ARHGEF38: variants seen among roughly 807,000 people sequenced by gnomAD.
ARHGEF38 encodes the protein Rho guanine nucleotide exchange factor 38, also known as Rho guanine nucleotide exchange factor (GEF) 38.
Under a neutral mutation model 79.9 loss-of-function variants are expected in ARHGEF38, and 79 were observed. That is an observed-to-expected ratio of 0.99 (90% CI 0.82 to 1.19). ARHGEF38 has a LOEUF of 1.19. ARHGEF38 is among the 50% of genes most tolerant of loss of function. ARHGEF38 has a pLI of 0.00. For missense variants in ARHGEF38, 962 were observed against 907.2 expected (o/e 1.06, Z -0.78); for synonymous variants, 366 against 328.3 (o/e 1.11, Z -1.24).
chr4:105,667,216 T>A lies in ARHGEF38; in HGVS notation c.1777T>A (p.Cys593Ser). The A allele has an allele frequency of 6.5e-7, 1 of 1,536,156 alleles. No individual in the cohort carries two copies. ...AEELYQAKRK[C>S]NATQEYDINL... Reference sequence around the variant, plus strand: ...GGAACTCTATCAAGCTAAGCGCAAGTGCAATGCTACACAAGAATATGACAT... The same window carrying A: ...GGAACTCTATCAAGCTAAGCGCAAGAGCAATGCTACACAAGAATATGACAT... The change falls in exon 12 of 14, where the codon TGC becomes AGC. Residue 593 changes from cysteine to serine, a missense_variant. Physicochemically the swap from Cys to Ser is moderately radical, Grantham distance 112. Coordinates refer to ENST00000420470, the MANE Select transcript of ARHGEF38 (RefSeq NM_001242729.2).
intron 4 of ARHGEF38, chr4:105,631,488 T>C (rs918410268): frequency 3.2e-5 from 32 of 985,748 alleles, no homozygotes; most frequent in Non-Finnish European, 3.9e-5. Context: ...TGTGGGGAGA[T>C]GGGTGAAGAC....
In ARHGEF38 at chr4:105,647,062, T is replaced by C. The variant is rs537261712; in HGVS notation, c.875-1487T>C. Among the ~76,000 whole-genome samples, 13 of 152,250 alleles carry C rather than the reference T, an allele frequency of 8.5e-5. No homozygotes were observed. In the South Asian group the frequency reaches 2.7e-3, roughly 32 times the overall value. ...ACTGTTAGGTGAGTTGTTTTAAAAA[T>C]AAGAAGACTGGAAACAAAGCAAAAT... is the stretch of plus-strand genomic sequence containing the variant. On this transcript the variant is annotated intron_variant, in intron 6 of 13. Transcript: ENST00000420470.
chr4:105,586,474 A>G (rs1727054682), intron 1 of ARHGEF38, among the ~76,000 whole-genome samples: 1 of 152,148 alleles, frequency 6.6e-6, no homozygotes, highest in Admixed American at 6.5e-5. Flanking sequence ...GCAGTATTGG[A>G]AAACCTAAGC....
At chr4:105,598,079 G>A (rs1340769006) in intron 2 of ARHGEF38, among the ~76,000 whole-genome samples, 2 of 151,864 alleles carry the variant, frequency 1.3e-5, no homozygotes. Context: ...GTACACATTC[G>A]GTTGTTTGGA....
intron 1 of ARHGEF38, among the ~76,000 whole-genome samples, chr4:105,557,379 T>A (rs1366113291): frequency 1.3e-5 from 2 of 152,104 alleles, no homozygotes; most frequent in African/African-American, 4.8e-5. Flanking sequence ...GAACAAAAGT[T>A]TACTAACATT....
At chr4:105,620,889 G>T (rs1728711175) in intron 3 of ARHGEF38, among the ~76,000 whole-genome samples, 1 of 152,170 alleles carries the variant, frequency 6.6e-6, no homozygotes, top group South Asian at 2.1e-4. Flanking sequence ...TGGTGAAAAT[G>T]ACACTGTATC....
At chr4:105,584,224 A>G (rs1037388393) in intron 1 of ARHGEF38, among the ~76,000 whole-genome samples, 37 of 152,204 alleles carry the variant, frequency 2.4e-4, no homozygotes, top group African/African-American at 8.0e-4. Flanking sequence ...AAATAAAACA[A>G]AAAACTGAAC....
At position 105,667,342 on chromosome 4, in the gene ARHGEF38, A is replaced by G. The variant is rs923430432; in HGVS notation, c.1888+15A>G. 14 of 1,535,326 alleles carry G rather than the reference A, an allele frequency of 9.1e-6. No individual in the cohort carries two copies. In the African/African-American group the frequency reaches 1.4e-4, roughly 15 times the overall value. Reference sequence around the variant, plus strand: ...GGACACAGGAAGTAAGTTTTTCCCCAGAACTACCACTCTTCTTTAAACTGA... The same window carrying G: ...GGACACAGGAAGTAAGTTTTTCCCCGGAACTACCACTCTTCTTTAAACTGA... On this transcript the variant is annotated intron_variant, in intron 12 of 13. Coordinates refer to ENST00000420470, the MANE Select transcript of ARHGEF38 (RefSeq NM_001242729.2).
At chr4:105,649,624 A>G (rs1189411280) in intron 7 of ARHGEF38, among the ~76,000 whole-genome samples, 1 of 152,102 alleles carries the variant, frequency 6.6e-6, no homozygotes, top group Non-Finnish European at 1.5e-5. Flanking sequence ...TCACTCATGT[A>G]TTAATATCTC....
chr4:105,678,070 A>C lies in ARHGEF38; in HGVS notation c.*133A>C. 1.6e-6 allele frequency: 1 copy of C among 642,166 alleles called. No homozygotes were observed. The highest frequency in any genetic ancestry group is 2.4e-6 in the Non-Finnish European group (1 of 408,804). The allele number at this position is 642,166 out of a possible 1,614,324, so 39.8% of individuals were successfully genotyped here. A position where few individuals can be genotyped will look rare whatever the true frequency, so the allele number is the denominator to read the frequency against. On this transcript the variant is annotated 3_prime_UTR_variant, in exon 14 of 14. Coordinates refer to ENST00000420470, the MANE Select transcript of ARHGEF38 (RefSeq NM_001242729.2). ...GAAACTGATACTGTACTGGGTTTTC[A>C]GGAATACTGTACTTCCTAACAGGAT...
chr4:105,561,842 T>C (rs1461880221), intron 1 of ARHGEF38, among the ~76,000 whole-genome samples: 1 of 152,162 alleles, frequency 6.6e-6, no homozygotes, highest in Non-Finnish European at 1.5e-5. Context: ...GGGGTTTACA[T>C]AACATTTTAA....
At chr4:105,581,115 G>A (rs1470577377) in intron 1 of ARHGEF38, among the ~76,000 whole-genome samples, 1 of 152,108 alleles carries the variant, frequency 6.6e-6, no homozygotes, top group Non-Finnish European at 1.5e-5. Flanking sequence ...CCAAGAACAA[G>A]TCCCGGTGCC....
chr4:105,656,410 CT>C (rs1730327952), intron 9 of ARHGEF38, among the ~76,000 whole-genome samples: 2 of 152,160 alleles, frequency 1.3e-5, no homozygotes, highest in Admixed American at 6.5e-5. Flanking sequence ...AAGGCAAAGA[CT>C]TCCTATTGAG....
intron 9 of ARHGEF38, among the ~76,000 whole-genome samples, chr4:105,656,560 T>G (rs1189331276): frequency 6.6e-6 from 1 of 152,160 alleles, no homozygotes; most frequent in Non-Finnish European, 1.5e-5. Context: ...AGTAAGTTAC[T>G]CTGGGTAATA....
At chr4:105,589,156 T>C (rs1034514325) in intron 1 of ARHGEF38, 92 bp from the exon 2 acceptor site, 26 of 1,029,672 alleles carry the variant, frequency 2.5e-5, no homozygotes, top group East Asian at 2.0e-4. Context: ...GCCTTTTTCC[T>C]TGTTAACAAA....
chr4:105,651,016 TC>T (rs773559825), intron 7 of ARHGEF38, among the ~76,000 whole-genome samples: 10 of 151,578 alleles, frequency 6.6e-5, no homozygotes, highest in East Asian at 3.9e-4. Flanking sequence ...GGCAAACAAT[TC>T]CCCCCCCAAG....
Position 105,677,946 on chromosome 4 carries a change from G to A in ARHGEF38, c.*9G>A. 1 of 1,482,594 alleles carries A rather than the reference G, an allele frequency of 6.7e-7. No homozygotes were observed. The highest frequency in any genetic ancestry group is 9.0e-7 in the Non-Finnish European group (1 of 1,114,182). The allele number at this position is 1,482,594 out of a possible 1,614,324, so 91.8% of individuals were successfully genotyped here. A position where few individuals can be genotyped will look rare whatever the true frequency, so the allele number is the denominator to read the frequency against. On this transcript the variant is annotated 3_prime_UTR_variant, in exon 14 of 14. Coordinates refer to ENST00000420470, the MANE Select transcript of ARHGEF38 (RefSeq NM_001242729.2). Reference sequence around the variant, plus strand: ...AGATGACTTATGCTTAAGAAAATAAGCCTTCAACTTTTATTTTCCAGCAAG... The same window carrying A: ...AGATGACTTATGCTTAAGAAAATAAACCTTCAACTTTTATTTTCCAGCAAG...
chr4:105,631,272 T>C (rs1370676633), intron 4 of ARHGEF38: 2 of 1,180,040 alleles, frequency 1.7e-6, no homozygotes, highest in Non-Finnish European at 2.1e-6. Context: ...GATTTAGAGC[T>C]CTGCAGCGAT....
intron 5 of ARHGEF38, among the ~76,000 whole-genome samples, chr4:105,643,455 G>T (rs1270973886): frequency 2.0e-5 from 3 of 152,010 alleles, no homozygotes; most frequent in Non-Finnish European, 2.9e-5. Flanking sequence ...GTTGCCTTTG[G>T]GTTTGCTTTA....
Sources: gnomAD v4.1 joint callset for allele counts (sites outside exome capture counted in the v4.1 genomes callset) on GRCh38, gnomAD v4.1.1 for gene constraint, MANE v1.5 for transcripts, NCBI Gene and HGNC (gene_info 2026-07-23, HGNC 2026-07-21) for gene names.